PPM1D: variants seen among roughly 807,000 people sequenced by gnomAD.
The protein encoded by PPM1D is protein phosphatase, Mg2+/Mn2+ dependent 1D, also known as protein phosphatase 1D.
A neutral mutation model predicts 58.3 loss-of-function variants in PPM1D; 52 were observed. That is an observed-to-expected ratio of 0.89 (90% CI 0.71 to 1.12). The LOEUF is 1.12. Ranked by LOEUF, PPM1D falls within the 50% of genes most tolerant of loss-of-function variation. The pLI is 0.00. For synonymous variants in PPM1D, 278 were observed against 285.1 expected, an observed-to-expected ratio of 0.98 and a Z score of 0.25; for missense variants, 564 against 777.2, an observed-to-expected ratio of 0.73 and a Z score of 3.26.
chr17:60,604,176 A>G (rs1427653297), intron 1 of PPM1D, among the ~76,000 whole-genome samples: 2 of 152,254 alleles, frequency 1.3e-5, no homozygotes, highest in Non-Finnish European at 2.9e-5. Flanking sequence ...TTCATTATAC[A>G]ATATCAAAGA....
intron 3 of PPM1D, among the ~76,000 whole-genome samples, chr17:60,637,650 C>T (rs2031051301): frequency 6.6e-6 from 1 of 151,994 alleles, no homozygotes; most frequent in Non-Finnish European, 1.5e-5. Flanking sequence ...AGATAGTATA[C>T]AAAGTCTTGA....
intron 2 of PPM1D, among the ~76,000 whole-genome samples, chr17:60,629,785 C>T (rs2030881592): frequency 6.6e-6 from 1 of 152,162 alleles, no homozygotes; most frequent in Non-Finnish European, 1.5e-5. Flanking sequence ...CGCTTATAAT[C>T]CCAGCACTTT....
chr17:60,604,144 C>G (rs1168245336), intron 1 of PPM1D, among the ~76,000 whole-genome samples: 3 of 152,190 alleles, frequency 2.0e-5, no homozygotes, highest in Non-Finnish European at 2.9e-5. Context: ...CAGTTAAGAA[C>G]GTCCTCTGAA....
At chr17:60,635,724 C>T (rs1208188737) in intron 3 of PPM1D, among the ~76,000 whole-genome samples, 4 of 152,138 alleles carry the variant, frequency 2.6e-5, no homozygotes, top group Non-Finnish European at 5.9e-5. Context: ...CCAAGGAATA[C>T]CAATTGGGAG....
chr17:60,657,656 A>T (rs1598413799), intron 5 of PPM1D, among the ~76,000 whole-genome samples: 1 of 152,238 alleles, frequency 6.6e-6, no homozygotes, highest in East Asian at 1.9e-4. Flanking sequence ...GAAATGGATT[A>T]TTACTGCTTT....
intron 1 of PPM1D, among the ~76,000 whole-genome samples, chr17:60,612,126 A>G (rs758670853): frequency 5.3e-5 from 8 of 152,140 alleles, no homozygotes; most frequent in Non-Finnish European, 1.0e-4. Context: ...AATTTTTGAC[A>G]TATGCGCATG....
intron 1 of PPM1D, among the ~76,000 whole-genome samples, chr17:60,611,840 T>A (rs535579226): frequency 6.6e-6 from 1 of 152,216 alleles, no homozygotes; most frequent in South Asian, 2.1e-4. Flanking sequence ...GTTAAACTTA[T>A]GTAATTTTAT....
chr17:60,635,099 T>G (rs959004621), intron 3 of PPM1D, among the ~76,000 whole-genome samples: 7 of 152,158 alleles, frequency 4.6e-5, no homozygotes, highest in African/African-American at 1.7e-4. Context: ...AATAATTTGT[T>G]TCCAATGTGA....
rs930144837 is a variant in PPM1D, at chr17:60,663,171, T to C, written c.1437T>C (p.Ala479=). The C allele has an allele frequency of 1.2e-6, 2 of 1,614,014 alleles. No homozygotes were observed. The highest frequency in any genetic ancestry group is 1.7e-5 in the Admixed American group (1 of 60,006). The change falls in exon 6 of 6, where the codon GCT becomes GCC. Residue 479 remains alanine (A), a synonymous_variant. Coordinates refer to ENST00000305921, the MANE Select transcript of PPM1D (RefSeq NM_003620.4). ...KDPEPLEENC[A]KALTLRIHDS... is the part of the protein sequence containing the mutation. ...CAGAACCACTTGAAGAAAATTGCGCTAAAGCCCTGACTTTAAGGATACATG... is the reference window on the plus strand; with the variant it reads ...CAGAACCACTTGAAGAAAATTGCGCCAAAGCCCTGACTTTAAGGATACATG...
At chr17:60,634,759 T>C (rs771600312) in intron 3 of PPM1D, among the ~76,000 whole-genome samples, 1 of 152,144 alleles carries the variant, frequency 6.6e-6, no homozygotes, top group Non-Finnish European at 1.5e-5. Context: ...TCAAAGAAAA[T>C]GTCTCTGAGA....
intron 4 of PPM1D, among the ~76,000 whole-genome samples, chr17:60,654,280 T>C (rs2031394443): frequency 6.7e-6 from 1 of 149,472 alleles, no homozygotes; most frequent in Non-Finnish European, 1.5e-5. Flanking sequence ...ATATGCTTTT[T>C]TTTTTTGAGA....
chr17:60,656,970 CTT>C, intron 5 of PPM1D, 129 bp downstream of exon 5: 2 of 1,579,512 alleles, frequency 1.3e-6, no homozygotes, highest in African/African-American at 1.3e-5. Context: ...AGTGATGTAA[CTT>C]ATTATCAGAG....
At chr17:60,634,106 T>C in intron 3 of PPM1D, 129 bp downstream of exon 3, 1 of 1,114,634 alleles carries the variant, frequency 9.0e-7, no homozygotes, top group South Asian at 1.5e-5. Context: ...GATATTCTAT[T>C]AACTGCTTTA....
At chr17:60,647,401 G>A (rs2031269036) in intron 3 of PPM1D, among the ~76,000 whole-genome samples, 1 of 151,946 alleles carries the variant, frequency 6.6e-6, no homozygotes, top group Non-Finnish European at 1.5e-5. Context: ...ATAGAAATAC[G>A]TTGACTTATA....
intron 3 of PPM1D, among the ~76,000 whole-genome samples, chr17:60,640,025 A>G (rs973889556): frequency 6.6e-6 from 1 of 152,226 alleles, no homozygotes; most frequent in East Asian, 1.9e-4. Flanking sequence ...GCAGTGGTAA[A>G]TAATCATGTT....
chr17:60,605,886 A>G (rs1009794008), intron 1 of PPM1D, among the ~76,000 whole-genome samples: 1 of 152,200 alleles, frequency 6.6e-6, no homozygotes, highest in African/African-American at 2.4e-5. Flanking sequence ...GCCTGGGAGA[A>G]GACGCGAGAC....
chr17:60,606,793 A>C (rs961014608), intron 1 of PPM1D, among the ~76,000 whole-genome samples: 42 of 152,066 alleles, frequency 2.8e-4, no homozygotes, highest in African/African-American at 9.9e-4. Context: ...AGAGTATATA[A>C]ATATATTCTT....
At chr17:60,637,688 A>C (rs915458996) in intron 3 of PPM1D, among the ~76,000 whole-genome samples, 1 of 152,136 alleles carries the variant, frequency 6.6e-6, no homozygotes, top group Non-Finnish European at 1.5e-5. Flanking sequence ...GTGCAGATAG[A>C]AAAGGGGACA....
Position 60,615,258 on chromosome 17 carries a change from G to A in PPM1D, c.473-8263G>A, listed in dbSNP as rs149488797. Among the ~76,000 whole-genome samples, 10 of 152,066 alleles carry A rather than the reference G, an allele frequency of 6.6e-5. No homozygotes were observed. The East Asian group carries it at 1.4e-3, about 21-fold the overall frequency. On this transcript the variant is annotated intron_variant, in intron 1 of 5. Transcript: ENST00000305921. Reference sequence around the variant, plus strand: ...CAAAAAATACAAAAATTAGCTGGGCGTGGTGGCGTGCACCTGTAGCCAGCC... The same window carrying A: ...CAAAAAATACAAAAATTAGCTGGGCATGGTGGCGTGCACCTGTAGCCAGCC...
Sources: allele counts gnomAD v4.1 joint callset (sites outside exome capture counted in the v4.1 genomes callset), GRCh38; gene constraint gnomAD v4.1.1; transcripts MANE v1.5; gene names NCBI Gene and HGNC (gene_info 2026-07-23, HGNC 2026-07-21).